USP25: variants seen among roughly 807,000 people sequenced by gnomAD.
The protein encoded by USP25 is ubiquitin carboxyl-terminal hydrolase 25.
A neutral mutation model predicts 158.5 loss-of-function variants in USP25; 85 were observed. That is an observed-to-expected ratio of 0.54 (90% CI 0.45 to 0.64). The LOEUF (loss-of-function observed/expected upper bound fraction) is 0.64, where lower values mean the gene tolerates loss of function less well. Among genes scored for constraint, USP25 ranks in the 30% least tolerant of loss-of-function variants. USP25 has a pLI of 0.00. For synonymous variants in USP25, 464 were observed against 460.4 expected, an observed-to-expected ratio of 1.01 and a Z score of -0.10; for missense variants, 1,242 against 1,327.3, an observed-to-expected ratio of 0.94 and a Z score of 1.00.
intron 1 of USP25, among the ~76,000 whole-genome samples, chr21:15,736,619 T>G: frequency 6.6e-6 from 1 of 151,736 alleles, no homozygotes; most frequent in Non-Finnish European, 1.5e-5. Context: ...ACAAATATAT[T>G]TTTATAATAT....
At chr21:15,850,849 CG>C (rs2038853453) in intron 20 of USP25, among the ~76,000 whole-genome samples, 1 of 151,808 alleles carries the variant, frequency 6.6e-6, no homozygotes, top group Non-Finnish European at 1.5e-5. Flanking sequence ...CTGATATGCC[CG>C]GGACTGAGGG....
At chr21:15,752,338 C>T (rs921465181) in intron 1 of USP25, among the ~76,000 whole-genome samples, 1 of 152,102 alleles carries the variant, frequency 6.6e-6, no homozygotes, top group Admixed American at 6.5e-5. Context: ...GCCTCAGCCT[C>T]CTGAGTAGCT....
At chr21:15,781,205 A>G (rs1275855605) in intron 4 of USP25, among the ~76,000 whole-genome samples, 1 of 152,196 alleles carries the variant, frequency 6.6e-6, no homozygotes, top group East Asian at 1.9e-4. Context: ...GGGCTCTCCT[A>G]CGGCCAGATA....
chr21:15,833,472 A>T lies in USP25; in HGVS notation c.2118A>T (p.Gln706His). The change falls in exon 17 of 26, where the codon CAA becomes CAT. Residue 706 changes from glutamine (Q) to histidine (H), a missense_variant. Gln to His is a conservative substitution (Grantham distance 24, BLOSUM62 0). Transcript: ENST00000400183. ...FEKELEEWDA[Q>H]LAQKALQEKL... ...AAGAACTAGAAGAATGGGATGCACAACTTGCCCAGAAAGCTTTGCAGGAAA... is the reference window on the plus strand; with the variant it reads ...AAGAACTAGAAGAATGGGATGCACATCTTGCCCAGAAAGCTTTGCAGGAAA... The T allele has an allele frequency of 1.2e-6, 2 of 1,614,150 alleles. No homozygotes were observed. Among genetic ancestry groups the T allele is most frequent in the Non-Finnish European group, 1.7e-6 (2 of 1,179,994 alleles).
In USP25 at chr21:15,816,416, C is replaced by T. The variant is rs954056030; in HGVS notation, c.932-2282C>T. The stretch of plus-strand genomic sequence containing the variant: ...ATTGAATTCTTACCAGTTGTTAATG[C>T]TGATGACTCTTAACCTCTTCTTCCT... On this transcript the variant is annotated intron_variant, in intron 9 of 25. Transcript: ENST00000400183. The surrounding 1 kb of genome is among the most constrained non-coding windows in gnomAD (Gnocchi z 4.0). Among the ~76,000 whole-genome samples, 4 of 152,190 alleles carry T rather than the reference C, an allele frequency of 2.6e-5. No individual in the cohort carries two copies. Among genetic ancestry groups the T allele is most frequent in the Non-Finnish European group, 5.9e-5 (4 of 68,046 alleles).
At chr21:15,765,522 C>A (rs1359365964) in intron 2 of USP25, among the ~76,000 whole-genome samples, 1 of 151,942 alleles carries the variant, frequency 6.6e-6, no homozygotes, top group Non-Finnish European at 1.5e-5. Context: ...TACATTTTGC[C>A]ATTTTCTTCC....
Position 15,878,385 on chromosome 21 carries a change from G to A in USP25, c.3288G>A (p.Pro1096=), listed in dbSNP as rs755413104. The A allele has an allele frequency of 1.1e-5, 17 of 1,613,912 alleles. No homozygotes were observed. The highest frequency in any genetic ancestry group is 6.7e-5 in the East Asian group (3 of 44,888). Residue 1096 remains proline (P), a synonymous_variant, in exon 26 of 26, where the codon CCG becomes CCA. Coordinates refer to ENST00000400183, the MANE Select transcript of USP25 (RefSeq NM_001283041.3). ...AGATTAAAAGTTTCCATGAGCCACC[G>A]AAGTTACCTTCATATTCCACGCATG... The part of the protein sequence containing the change: ...SMEIKSFHEP[P]KLPSYSTHEL...
At chr21:15,819,793 AT>A (rs886618296) in intron 10 of USP25, among the ~76,000 whole-genome samples, 7 of 151,376 alleles carry the variant, frequency 4.6e-5, no homozygotes, top group African/African-American at 7.3e-5. Flanking sequence ...CTAAATTTTA[AT>A]TTTTTTTTCT....
chr21:15,779,550 G>A (rs1051237236), intron 4 of USP25, among the ~76,000 whole-genome samples: 1 of 151,670 alleles, frequency 6.6e-6, no homozygotes, highest in Admixed American at 6.6e-5. Flanking sequence ...GTTCTATTAT[G>A]TGTTTTCTAA....
At chr21:15,730,671 C>G (rs1342668269) in intron 1 of USP25, among the ~76,000 whole-genome samples, 1 of 152,208 alleles carries the variant, frequency 6.6e-6, no homozygotes. Context: ...ATTGTTTTCC[C>G]GTAGCAGACG....
chr21:15,861,082 G>A (rs962605261), intron 20 of USP25, among the ~76,000 whole-genome samples: 3 of 151,726 alleles, frequency 2.0e-5, no homozygotes, highest in South Asian at 4.2e-4. Flanking sequence ...AAAAGTCTAG[G>A]TAGAAATTAT....
chr21:15,842,356 G>A lies in USP25; in HGVS notation c.2195-42G>A, dbSNP rs139163622. On this transcript the variant is annotated intron_variant, in intron 17 of 25. Transcript: ENST00000400183. ...AAAGATTTATCTTAGTATAGACTCT[G>A]TGGTTTATATTAGATATATAATTGA... 3.7e-4 allele frequency: 594 copies of A among 1,595,530 alleles called. 1 individual carries two copies. In the African/African-American group the frequency reaches 7.0e-3, roughly 19 times the overall value.
chr21:15,745,928 G>A (rs1374293890), intron 1 of USP25, among the ~76,000 whole-genome samples: 1 of 152,152 alleles, frequency 6.6e-6, no homozygotes, highest in African/African-American at 2.4e-5. Context: ...TATTGCATGT[G>A]GAATCTAGTC....
rs2146269908 is a variant in USP25, at chr21:15,805,264, T to G, written c.780+6T>G. ...AATCAAATGACTCACAGCAGGTAGT[T>G]CTGTTGCACTGACTTGTTCATTAAC... On this transcript the variant is annotated splice_donor_region_variant and intron_variant, in intron 7 of 25. Coordinates refer to ENST00000400183, the MANE Select transcript of USP25 (RefSeq NM_001283041.3). The G allele has an allele frequency of 2.5e-6, 4 of 1,586,994 alleles. No homozygotes were observed. The highest frequency in any genetic ancestry group is 3.4e-6 in the Non-Finnish European group (4 of 1,170,500).
chr21:15,799,730 T>G (rs780580772), intron 5 of USP25, 27 bp from the exon 6 acceptor site: 13 of 1,510,444 alleles, frequency 8.6e-6, no homozygotes, highest in Non-Finnish European at 1.2e-5. Context: ...TTCCCTCAGG[T>G]TATGTTAAAT....
At chr21:15,780,189 T>C (rs1356827768) in intron 4 of USP25, among the ~76,000 whole-genome samples, 11 of 152,180 alleles carry the variant, frequency 7.2e-5, no homozygotes, top group Non-Finnish European at 1.3e-4. Context: ...TATTATATTT[T>C]AGTAGACATA....
intron 3 of USP25, among the ~76,000 whole-genome samples, chr21:15,770,396 A>G (rs1171300516): frequency 6.6e-6 from 1 of 152,204 alleles, no homozygotes; most frequent in African/African-American, 2.4e-5. Context: ...AATGACTTGT[A>G]TAACTTGATG....
chr21:15,849,158 A>T (rs2038769990), intron 19 of USP25, among the ~76,000 whole-genome samples: 1 of 152,172 alleles, frequency 6.6e-6, no homozygotes, highest in East Asian at 1.9e-4. Flanking sequence ...GCCCTCTCTC[A>T]TTTAAAAAAG....
In USP25 at chr21:15,799,556, C is replaced by T. The variant is rs1461128088; in HGVS notation, c.556-201C>T. The T allele has an allele frequency of 1.8e-5, 7 of 386,754 alleles. 1 individual carries two copies. In the Middle Eastern group the frequency reaches 3.5e-3, roughly 196 times the overall value. The allele number at this position is 386,754 out of a possible 1,614,324, so 24.0% of individuals were successfully genotyped here. ...AAAGTTGTCCAAATATAATCTTGTG[C>T]ACTATCAAGTATCAAGAATGGTATG... On this transcript the variant is annotated intron_variant, in intron 5 of 25. Coordinates refer to ENST00000400183, the MANE Select transcript of USP25 (RefSeq NM_001283041.3).
Sources: allele counts gnomAD v4.1 joint callset (sites outside exome capture counted in the v4.1 genomes callset), GRCh38; gene constraint gnomAD v4.1.1; non-coding constraint Gnocchi (gnomAD v3.1); transcripts MANE v1.5; gene names NCBI Gene and HGNC (gene_info 2026-07-23, HGNC 2026-07-21).